The following LINGO2 variants were observed in gnomAD, a reference collection of about 807,000 sequenced individuals.
The protein encoded by LINGO2 is leucine rich repeat and Ig domain containing 2.
Under a neutral mutation model 30.6 loss-of-function variants are expected in LINGO2, and 14 were observed. That is an observed-to-expected ratio of 0.46 (90% CI 0.30 to 0.72). The LOEUF is 0.72. Among genes scored for constraint, LINGO2 ranks in the 30% least tolerant of loss-of-function variants. The probability of loss-of-function intolerance (pLI) is 0.07; values close to 1 mark genes in which losing one functional copy is unlikely to be tolerated. For missense variants in LINGO2, 729 were observed against 751.7 expected, an observed-to-expected ratio of 0.97 and a Z score of 0.35; for synonymous variants, 317 against 288.5, an observed-to-expected ratio of 1.10 and a Z score of -1.00.
chr9:28,843,150 A>G, the LINGO2 span, among the ~76,000 whole-genome samples: 3 of 151,830 alleles, frequency 2.0e-5, no homozygotes, highest in Non-Finnish European at 2.9e-5. Flanking sequence ...AATATATGCA[A>G]TAACTTAAAA....
the LINGO2 span, among the ~76,000 whole-genome samples, chr9:28,741,672 C>G: frequency 6.6e-6 from 1 of 151,778 alleles, no homozygotes; most frequent in African/African-American, 2.4e-5. Flanking sequence ...CTATAGGATC[C>G]CACTTGGTAC....
the LINGO2 span, among the ~76,000 whole-genome samples, chr9:29,042,026 A>C: frequency 6.6e-6 from 1 of 152,074 alleles, no homozygotes; most frequent in African/African-American, 2.4e-5. Context: ...ACAAATAGAA[A>C]ATAAACACAT....
chr9:28,092,617 A>T (rs943751209), intron 4 of LINGO2, among the ~76,000 whole-genome samples: 1 of 151,976 alleles, frequency 6.6e-6, no homozygotes, highest in African/African-American at 2.4e-5. Flanking sequence ...TAATGGGTGC[A>T]GCACACCAAC....
chr9:28,738,936 A>G, the LINGO2 span, among the ~76,000 whole-genome samples: 1 of 152,070 alleles, frequency 6.6e-6, no homozygotes, highest in Non-Finnish European at 1.5e-5. Context: ...ACTACATGAA[A>G]TCAAAAGCTA....
At chr9:29,131,034 G>A in the LINGO2 span, among the ~76,000 whole-genome samples, 1 of 152,094 alleles carries the variant, frequency 6.6e-6, no homozygotes, top group Non-Finnish European at 1.5e-5. Flanking sequence ...TTTCCTTGGT[G>A]TCTTTGTTTC....
At chr9:28,322,266 A>G (rs992365176) in intron 3 of LINGO2, among the ~76,000 whole-genome samples, 2 of 152,182 alleles carry the variant, frequency 1.3e-5, no homozygotes, top group Admixed American at 1.3e-4. Context: ...TCCTCATCAG[A>G]GAGGTTTTCA....
At chr9:28,510,817 C>T (rs1820353659) in intron 1 of LINGO2, among the ~76,000 whole-genome samples, 2 of 151,946 alleles carry the variant, frequency 1.3e-5, no homozygotes, top group African/African-American at 2.4e-5. Flanking sequence ...TAAGTATTAA[C>T]TTACACAATC....
At chr9:28,307,653 G>C (rs1809400734) in intron 3 of LINGO2, among the ~76,000 whole-genome samples, 1 of 152,144 alleles carries the variant, frequency 6.6e-6, no homozygotes, top group South Asian at 2.1e-4. Flanking sequence ...CCTGTTTGCA[G>C]ATGACATGAT....
chr9:28,829,290 A>C, the LINGO2 span, among the ~76,000 whole-genome samples: 1 of 152,152 alleles, frequency 6.6e-6, no homozygotes, highest in Non-Finnish European at 1.5e-5. Flanking sequence ...TTACATTGGC[A>C]ATAAAATCCT....
At chr9:28,189,498 A>AG in intron 4 of LINGO2, among the ~76,000 whole-genome samples, 4 of 72,252 alleles carry the variant, frequency 5.5e-5, no homozygotes, top group Non-Finnish European at 1.1e-4. Context: ...GAAGGAAGGG[A>AG]GGAAGGAAGG....
the LINGO2 span, among the ~76,000 whole-genome samples, chr9:29,142,778 G>GCC: frequency 6.6e-6 from 1 of 151,860 alleles, no homozygotes; most frequent in Non-Finnish European, 1.5e-5. Flanking sequence ...GCATAGTACT[G>GCC]AAGTCCTAGC....
At chr9:28,413,003 G>C (rs1048953448) in intron 2 of LINGO2, among the ~76,000 whole-genome samples, 1 of 152,036 alleles carries the variant, frequency 6.6e-6, no homozygotes, top group South Asian at 2.1e-4. Flanking sequence ...TTAATGAATA[G>C]TAAATACATT....
At chr9:28,124,930 C>T (rs1005917685) in intron 4 of LINGO2, among the ~76,000 whole-genome samples, 1 of 152,028 alleles carries the variant, frequency 6.6e-6, no homozygotes, top group Non-Finnish European at 1.5e-5. Flanking sequence ...TGACATGTGC[C>T]ATAAAAGAGA....
chr9:28,253,163 T>C (rs913667159), intron 4 of LINGO2, among the ~76,000 whole-genome samples: 2 of 152,150 alleles, frequency 1.3e-5, no homozygotes, highest in Non-Finnish European at 1.5e-5. Context: ...GGCATTATAG[T>C]ACATATATTG....
At chr9:28,007,391 C>G (rs1311589396) in intron 5 of LINGO2, among the ~76,000 whole-genome samples, 2 of 152,112 alleles carry the variant, frequency 1.3e-5, no homozygotes, top group Non-Finnish European at 2.9e-5. Context: ...AACTGAGTAA[C>G]AGTCCAGTAC....
intron 4 of LINGO2, among the ~76,000 whole-genome samples, chr9:28,162,340 A>G (rs977682289): frequency 2.0e-5 from 3 of 152,160 alleles, no homozygotes; most frequent in Non-Finnish European, 2.9e-5. Flanking sequence ...CATATCTCAC[A>G]TCTTCTGTTT....
the LINGO2 span, among the ~76,000 whole-genome samples, chr9:28,873,880 A>T: frequency 6.6e-6 from 1 of 151,906 alleles, no homozygotes; most frequent in African/African-American, 2.4e-5. Flanking sequence ...CTAAAATAAA[A>T]AAATATATAT....
At chr9:29,089,608 T>C in the LINGO2 span, among the ~76,000 whole-genome samples, 1 of 152,114 alleles carries the variant, frequency 6.6e-6, no homozygotes, top group Non-Finnish European at 1.5e-5. Flanking sequence ...GTTTTTGAGG[T>C]CTTTGGCTTA....
chr9:28,675,966 T>C, the LINGO2 span, among the ~76,000 whole-genome samples: 1 of 149,034 alleles, frequency 6.7e-6, no homozygotes, highest in African/African-American at 2.4e-5. Flanking sequence ...TATATGTATA[T>C]ATACATTTAA....
Sources: gnomAD v4.1 joint callset for allele counts (sites outside exome capture counted in the v4.1 genomes callset) on GRCh38, gnomAD v4.1.1 for gene constraint, MANE v1.5 for transcripts, NCBI Gene and HGNC (gene_info 2026-07-23, HGNC 2026-07-21) for gene names.